The following SORCS3 variants were observed in gnomAD, a reference collection of about 807,000 sequenced individuals.
The protein encoded by SORCS3 is VPS10 domain-containing receptor SorCS3.
Under a neutral mutation model 146.3 loss-of-function variants are expected in SORCS3, and 57 were observed. The ratio of observed to expected loss-of-function variants is 0.39; its 90% confidence interval spans 0.31 to 0.49. The LOEUF is 0.49. Among genes scored for constraint, SORCS3 ranks in the 20% least tolerant of loss-of-function variants. The pLI is 0.92. For missense variants in SORCS3, 1,341 were observed against 1,575.5 expected (o/e 0.85, Z 2.52); for synonymous variants, 653 against 618.5 (o/e 1.06, Z -0.83).
At chr10:105,072,434 C>G (rs1001353068) in intron 5 of SORCS3, among the ~76,000 whole-genome samples, 6 of 152,118 alleles carry the variant, frequency 3.9e-5, no homozygotes, top group Admixed American at 1.3e-4. Flanking sequence ...TTTTAATTGT[C>G]CCAGAGGGTG....
intron 20 of SORCS3, among the ~76,000 whole-genome samples, chr10:105,228,370 C>T (rs12359060): frequency 0.086 from 12,901 of 150,360 alleles, 754 homozygotes; most frequent in Admixed American, 0.16. Flanking sequence ...CTTTCTTTCT[C>T]TCTTTTCTTT....
rs1273736350 is a variant in SORCS3 at position 104,749,545 on chromosome 10, A to G, written c.628-93247A>G. Among the ~76,000 whole-genome samples the G allele has an allele frequency of 2.0e-5, 3 of 152,186 alleles. No homozygotes were observed. In the East Asian group the frequency reaches 5.8e-4, roughly 29 times the overall value. On this transcript the variant is annotated intron_variant, in intron 1 of 26. Transcript: ENST00000369701. ...AGTGCGTTCTTATTGTATGTCAATA[A>G]CTGTACAAATTCATTATTTTCTCAT...
At chr10:104,951,738 T>G (rs1204468651) in intron 3 of SORCS3, among the ~76,000 whole-genome samples, 1 of 152,170 alleles carries the variant, frequency 6.6e-6, no homozygotes, top group Non-Finnish European at 1.5e-5. Flanking sequence ...TTCATGATTA[T>G]TTTGAACCCT....
At chr10:104,654,582 G>GCTT (rs2133242057) in intron 1 of SORCS3, among the ~76,000 whole-genome samples, 1 of 152,254 alleles carries the variant, frequency 6.6e-6, no homozygotes, top group East Asian at 1.9e-4. Flanking sequence ...AAAGATTCTT[G>GCTT]GCATGTCTAA....
intron 1 of SORCS3, among the ~76,000 whole-genome samples, chr10:104,837,466 A>G (rs1006801765): frequency 3.3e-5 from 5 of 152,168 alleles, no homozygotes; most frequent in Non-Finnish European, 7.3e-5. Context: ...AAGTGCTATT[A>G]CTCATGAATT....
At chr10:105,036,302 C>T (rs1027085462) in intron 4 of SORCS3, among the ~76,000 whole-genome samples, 5 of 152,152 alleles carry the variant, frequency 3.3e-5, no homozygotes, top group Non-Finnish European at 7.3e-5. Flanking sequence ...TCTCAGTGGT[C>T]TTCTACCTCC....
Position 104,696,336 on chromosome 10 carries a change from AT to A in SORCS3, c.627+54383del, listed in dbSNP as rs2016191409. ...ATGATATATATCATATACACATATG[AT>A]ATATGATATATATCATATATATATC... On this transcript the variant is annotated intron_variant, in intron 1 of 26. Coordinates refer to ENST00000369701, the MANE Select transcript of SORCS3 (RefSeq NM_014978.3). Among the ~76,000 whole-genome samples the A allele has an allele frequency of 4.3e-5, 2 of 46,496 alleles. 1 individual carries two copies. The highest frequency in any genetic ancestry group is 6.7e-5 in the Non-Finnish European group (2 of 30,014). The allele number at this position is 46,496 out of a possible 152,430, so 30.5% of individuals were successfully genotyped here.
rs148247387 is a variant in SORCS3 at position 105,037,317 on chromosome 10, G to T, written c.955-5738G>T. Among the ~76,000 whole-genome samples, 50 of 152,250 alleles carry T rather than the reference G, an allele frequency of 3.3e-4. No homozygotes were observed. In the East Asian group the frequency reaches 9.1e-3, roughly 28 times the overall value. The stretch of plus-strand genomic sequence containing the variant: ...TCCAGACTGCCTAGTCCTGGCAGGG[G>T]GTGTGAGATGCCCATGTTAGTTTCC... On this transcript the variant is annotated intron_variant, in intron 4 of 26. Coordinates refer to ENST00000369701, the MANE Select transcript of SORCS3 (RefSeq NM_014978.3).
At chr10:104,847,350 G>A (rs765046073) in intron 2 of SORCS3, among the ~76,000 whole-genome samples, 69 of 152,146 alleles carry the variant, frequency 4.5e-4, no homozygotes, top group Non-Finnish European at 8.4e-4. Flanking sequence ...ACTCATTTCT[G>A]TATGTCTTGG....
chr10:104,860,603 A>G (rs560863510), intron 2 of SORCS3, among the ~76,000 whole-genome samples: 1 of 152,290 alleles, frequency 6.6e-6, no homozygotes, highest in East Asian at 1.9e-4. Context: ...AAAAATGAAA[A>G]CAACAACAGC....
intron 7 of SORCS3, among the ~76,000 whole-genome samples, chr10:105,136,837 A>T (rs1470573936): frequency 1.3e-5 from 2 of 152,164 alleles, no homozygotes; most frequent in African/African-American, 4.8e-5. Context: ...GCCTTCATAT[A>T]GCCCCTTTAT....
At chr10:104,977,123 A>G (rs1440420068) in intron 3 of SORCS3, among the ~76,000 whole-genome samples, 1 of 152,092 alleles carries the variant, frequency 6.6e-6, no homozygotes, top group Non-Finnish European at 1.5e-5. Flanking sequence ...CTTCTTCTAT[A>G]TGCTTCTAGC....
intron 1 of SORCS3, among the ~76,000 whole-genome samples, chr10:104,686,250 T>C (rs1198192849): frequency 2.0e-5 from 3 of 152,098 alleles, no homozygotes; most frequent in African/African-American, 4.8e-5. Flanking sequence ...AACCAGGGGC[T>C]CTGTGGGTAT....
intron 1 of SORCS3, among the ~76,000 whole-genome samples, chr10:104,656,281 G>A (rs549960129): frequency 2.0e-4 from 30 of 152,254 alleles, no homozygotes; most frequent in Admixed American, 5.9e-4. Context: ...GAGCAGAGGG[G>A]CTGGGGGATG....
intron 3 of SORCS3, among the ~76,000 whole-genome samples, chr10:104,941,568 AG>A (rs2019321178): frequency 6.6e-6 from 1 of 152,094 alleles, no homozygotes; most frequent in Admixed American, 6.6e-5. Context: ...CAGTTTATAC[AG>A]GCACTCCCAT....
rs546877846 is a variant in SORCS3, at chr10:105,088,218, T to C, written c.1029-1557T>C. Among the ~76,000 whole-genome samples the C allele has an allele frequency of 1.9e-4, 29 of 152,342 alleles. 1 individual carries two copies. The East Asian group carries it at 3.1e-3, about 16-fold the overall frequency. ...GTGGCCTTAGGCAGACATCCATTTT[T>C]TTCTGTGCCTCAATTTCTCCTTCAG... is the stretch of plus-strand genomic sequence containing the variant. On this transcript the variant is annotated intron_variant, in intron 5 of 26. Coordinates refer to ENST00000369701, the MANE Select transcript of SORCS3 (RefSeq NM_014978.3).
chr10:104,783,338 G>A (rs1042796513), intron 1 of SORCS3, among the ~76,000 whole-genome samples: 12 of 152,238 alleles, frequency 7.9e-5, no homozygotes, highest in African/African-American at 2.6e-4. Context: ...GTCTGATCAC[G>A]TTACCCTGGA....
chr10:104,797,997 C>T (rs2017577398), intron 1 of SORCS3, among the ~76,000 whole-genome samples: 1 of 152,132 alleles, frequency 6.6e-6, no homozygotes, highest in Non-Finnish European at 1.5e-5. Context: ...TGTTGTTAGT[C>T]ATCAGGGAAG....
chr10:104,744,272 C>T (rs958091048), intron 1 of SORCS3, among the ~76,000 whole-genome samples: 1 of 152,188 alleles, frequency 6.6e-6, no homozygotes, highest in Non-Finnish European at 1.5e-5. Context: ...TGTCAGAAGA[C>T]ACCTTTGTTC....
Sources: gnomAD v4.1 joint callset for allele counts (sites outside exome capture counted in the v4.1 genomes callset) on GRCh38, gnomAD v4.1.1 for gene constraint, MANE v1.5 for transcripts, NCBI Gene and HGNC (gene_info 2026-07-23, HGNC 2026-07-21) for gene names.